Variants in MORC1 observed in about 807,000 individuals in gnomAD.
The protein encoded by MORC1 is MORC family CW-type zinc finger protein 1.
In MORC1, 59 loss-of-function variants were observed where a neutral mutation model predicts 134.9. The observed-to-expected ratio is 0.44, with a 90% CI of 0.35 to 0.54. The LOEUF (loss-of-function observed/expected upper bound fraction) is 0.54. MORC1 is among the 20% of genes least tolerant of loss of function. The pLI, the probability that MORC1 is intolerant of heterozygous loss-of-function variation, is 0.00. For missense variants in MORC1, 947 were observed against 1,134.5 expected (o/e 0.83, Z 2.37); for synonymous variants, 395 against 391.7 (o/e 1.01, Z -0.10).
intron 3 of MORC1, among the ~76,000 whole-genome samples, chr3:109,108,854 C>T (rs966769541): frequency 2.7e-5 from 4 of 150,448 alleles, no homozygotes; most frequent in African/African-American, 9.8e-5. Context: ...GAGCCGAGCT[C>T]GCGCCACTGC....
At chr3:108,961,215 G>A (rs903864243) in intron 27 of MORC1, among the ~76,000 whole-genome samples, 2 of 152,028 alleles carry the variant, frequency 1.3e-5, no homozygotes, top group Non-Finnish European at 2.9e-5. Context: ...TCTTTTCTCT[G>A]GTTCCATAAA....
At chr3:108,969,749 G>A in intron 25 of MORC1, 27 bp from the exon 26 acceptor site, 1 of 1,603,860 alleles carries the variant, frequency 6.2e-7, no homozygotes, top group Non-Finnish European at 8.5e-7. Flanking sequence ...TAATAGAACA[G>A]GATATTAGCT....
At chr3:108,962,323 C>T (rs2715756) in intron 27 of MORC1, among the ~76,000 whole-genome samples, 52,536 of 150,978 alleles carry the variant, frequency 0.35, 9,506 homozygotes, top group Middle Eastern at 0.5. Flanking sequence ...GTACTTAATA[C>T]AAGATAAATT....
chr3:109,067,741 T>C (rs957106009), intron 9 of MORC1, among the ~76,000 whole-genome samples: 1 of 152,184 alleles, frequency 6.6e-6, no homozygotes, highest in Non-Finnish European at 1.5e-5. Flanking sequence ...GTCTCAGGAT[T>C]GGTATATTTT....
rs546537353 is a variant in MORC1, at chr3:108,976,382, T to G, written c.2477+3133A>C. Among the ~76,000 whole-genome samples, 4 of 152,264 alleles carry G rather than the reference T, an allele frequency of 2.6e-5. No homozygotes were observed. In the South Asian group the frequency reaches 8.3e-4, roughly 32 times the overall value. ...AGTATTTCTTTATACTTTATACCCT[T>G]TACATTGTACACAGCTGACCACAAT... On this transcript the variant is annotated intron_variant, in intron 24 of 27. Transcript: ENST00000232603.
intron 21 of MORC1, among the ~76,000 whole-genome samples, chr3:108,989,640 C>T (rs1045499657): frequency 1.4e-4 from 21 of 152,108 alleles, no homozygotes; most frequent in African/African-American, 4.8e-4. Context: ...TACTTCTACT[C>T]CTTTACCTCT....
rs140159610 is a variant in MORC1, at chr3:108,989,750, C to A, written c.2188-2801G>T. 1.2e-4 allele frequency among the ~76,000 whole-genome samples: 19 copies of A among 152,266 alleles called. No homozygotes were observed. In the East Asian group the frequency reaches 3.3e-3, roughly 26 times the overall value. ...ACTTCAAAGACCCCTTCTGTTTGCA[C>A]TCGTCCACAGTTAACATTATGTTCC... On this transcript the variant is annotated intron_variant, in intron 21 of 27. Coordinates refer to ENST00000232603, the MANE Select transcript of MORC1 (RefSeq NM_014429.4).
chr3:109,056,223 TTTTA>T (rs147621015), intron 13 of MORC1, among the ~76,000 whole-genome samples: 2 of 151,888 alleles, frequency 1.3e-5, no homozygotes, highest in African/African-American at 4.8e-5. Flanking sequence ...CTAATCTAGG[TTTTA>T]TTTATTTATT....
At chr3:109,044,697 C>A (rs1446451129) in intron 14 of MORC1, among the ~76,000 whole-genome samples, 1 of 152,050 alleles carries the variant, frequency 6.6e-6, no homozygotes, top group Non-Finnish European at 1.5e-5. Flanking sequence ...GTAATCCCAG[C>A]ACTTTGGGAA....
At chr3:109,010,632 C>T (rs1249460907) in intron 17 of MORC1, among the ~76,000 whole-genome samples, 1 of 152,016 alleles carries the variant, frequency 6.6e-6, no homozygotes, top group Non-Finnish European at 1.5e-5. Context: ...TACTGATCAT[C>T]CCCAAAAGTT....
chr3:109,115,982 T>C (rs1951264448), intron 1 of MORC1, among the ~76,000 whole-genome samples: 1 of 151,996 alleles, frequency 6.6e-6, no homozygotes, highest in Admixed American at 6.6e-5. Context: ...CCTTGCAGAG[T>C]ACGGTAGAAA....
Position 109,100,457 on chromosome 3 carries a change from T to C in MORC1, c.274A>G (p.Thr92Ala), listed in dbSNP as rs1467396078. 6.2e-7 allele frequency: 1 copy of C among 1,613,908 alleles called. No homozygotes were observed. The highest frequency in any genetic ancestry group is 8.5e-7 in the Non-Finnish European group (1 of 1,179,790). ...CCGTATTGCCCTATGAACTTCAAGGTTGACAGCCGTTTTTTGGATCGTCCA... is the reference window on the plus strand; with the variant it reads ...CCGTATTGCCCTATGAACTTCAAGGCTGACAGCCGTTTTTTGGATCGTCCA... ...YFGRSKKRLS[T>A]LKFIGQYGNG... The change falls in exon 5 of 28, where the codon ACC becomes GCC. Residue 92 changes from threonine to alanine, a missense_variant. Transcript: ENST00000232603.
chr3:109,095,053 G>A lies in MORC1; in HGVS notation c.439C>T (p.Pro147Ser). 1 of 1,578,422 alleles carries A rather than the reference G, an allele frequency of 6.3e-7. No individual in the cohort carries two copies. Among genetic ancestry groups the A allele is most frequent in the Non-Finnish European group, 8.6e-7 (1 of 1,169,310 alleles). Residue 147 changes from proline (P) to serine (S), a missense_variant, in exon 7 of 28, where the codon CCC becomes TCC. Around this residue, in one of 3 missense-constraint regions of MORC1, gnomAD observed 214 missense variants for 281.3 expected, o/e 0.76. Transcript: ENST00000232603. ...TCTCTGGTTCTTATTAACCATGAGG[G>A]CATTGGAACTACAACCTATTTAAAA... ...ESLSEVVVPMPSWLIRTRESV... is the reference protein window; with the variant it reads ...ESLSEVVVPMSSWLIRTRESV...
At chr3:109,031,865 A>G (rs6785816) in intron 16 of MORC1, among the ~76,000 whole-genome samples, 4,778 of 152,234 alleles carry the variant, frequency 0.031, 235 homozygotes, top group African/African-American at 0.11. Flanking sequence ...GCATTGCAAA[A>G]CAAGAAAGGG....
At chr3:109,063,790 C>CAT (rs1950135440) in intron 9 of MORC1, among the ~76,000 whole-genome samples, 2 of 152,112 alleles carry the variant, frequency 1.3e-5, no homozygotes, top group South Asian at 2.1e-4. Context: ...AATATACATA[C>CAT]ATATATATAT....
intron 8 of MORC1, among the ~76,000 whole-genome samples, chr3:109,077,514 A>C (rs1313770599): frequency 6.6e-6 from 1 of 152,146 alleles, no homozygotes; most frequent in Admixed American, 6.5e-5. Flanking sequence ...AAATAAAATC[A>C]TAAGTTTAGA....
In MORC1 at chr3:109,069,680, G is replaced by A; in HGVS notation, c.767C>T (p.Ala256Val). ...FNPWMRIFIQ[A>V]KRVKTKHLCY... ...AAGATGTTTAGTTTTAACTCTCTTG[G>A]CTTGAATGAATATTCTCATCCATGG... is the stretch of plus-strand genomic sequence containing the variant. Residue 256 changes from alanine (A) to valine (V), a missense_variant, in exon 9 of 28, where the codon GCC (alanine) becomes GTC (valine). This residue lies in a region of MORC1 where 11 missense variants were observed against 36.2 expected (regional missense o/e 0.30). Coordinates refer to ENST00000232603, the MANE Select transcript of MORC1 (RefSeq NM_014429.4). 9 of 1,612,608 alleles carry A rather than the reference G, an allele frequency of 5.6e-6. No homozygotes were observed. The highest frequency in any genetic ancestry group is 7.6e-6 in the Non-Finnish European group (9 of 1,179,014).
At chr3:108,999,666 TC>T (rs922696571) in intron 21 of MORC1, among the ~76,000 whole-genome samples, 5 of 152,162 alleles carry the variant, frequency 3.3e-5, no homozygotes, top group Admixed American at 3.3e-4. Context: ...CAGGTCCTTT[TC>T]TAAATACTCT....
intron 5 of MORC1, 141 bp from the exon 6 acceptor site, chr3:109,099,607 A>AT (rs377271799): frequency 0.065 from 29,307 of 452,246 alleles, no homozygotes; most frequent in East Asian, 0.083. Context: ...AGAGGGTACA[A>AT]TTTTTTTTTT....
Sources: allele counts gnomAD v4.1 joint callset (sites outside exome capture counted in the v4.1 genomes callset), GRCh38; gene constraint gnomAD v4.1.1; regional missense constraint gnomAD v4.1.1; transcripts MANE v1.5; gene names NCBI Gene and HGNC (gene_info 2026-07-23, HGNC 2026-07-21).